SMAD3: variants seen among roughly 807,000 people sequenced by gnomAD.
SMAD3 encodes the protein MAD homolog 3.
In SMAD3, 12 loss-of-function variants were observed where a neutral mutation model predicts 51.8. The observed-to-expected ratio is 0.23, with a 90% CI of 0.15 to 0.38. The LOEUF (loss-of-function observed/expected upper bound fraction) is 0.38. Ranked by LOEUF, SMAD3 falls within the 10% of genes least tolerant of loss-of-function variation. The pLI is 1.00. For missense variants in SMAD3, 294 were observed against 565.6 expected, an observed-to-expected ratio of 0.52 and a Z score of 4.87; for synonymous variants, 238 against 227.7, an observed-to-expected ratio of 1.05 and a Z score of -0.41.
intron 1 of SMAD3, among the ~76,000 whole-genome samples, chr15:67,088,979 C>A (rs539039499): frequency 6.6e-6 from 1 of 152,190 alleles, no homozygotes; most frequent in Non-Finnish European, 1.5e-5. Flanking sequence ...TGACTAGAGA[C>A]CTTTGTCAGG....
intron 1 of SMAD3, among the ~76,000 whole-genome samples, chr15:67,111,424 G>T (rs1961011896): frequency 6.6e-6 from 1 of 152,136 alleles, no homozygotes; most frequent in South Asian, 2.1e-4. Context: ...TCACTTCTTG[G>T]CTATTGTAAA....
rs1025122117 is a variant in SMAD3 at position 67,191,311 on chromosome 15, T to C, written c.*775T>C. 1.3e-5 allele frequency: 3 copies of C among 233,334 alleles called. No individual in the cohort carries two copies. The highest frequency in any genetic ancestry group is 1.7e-5 in the Non-Finnish European group (2 of 118,074). The allele number at this position is 233,334 out of a possible 1,614,324, so 14.5% of individuals were successfully genotyped here. Reference sequence around the variant, plus strand: ...CATATGCAATGTATAGTGTCTATTATCACATTAATCTCAAAGAGATTCGAA... The same window carrying C: ...CATATGCAATGTATAGTGTCTATTACCACATTAATCTCAAAGAGATTCGAA... On this transcript the variant is annotated 3_prime_UTR_variant, in exon 9 of 9. Transcript: ENST00000327367.
intron 1 of SMAD3, among the ~76,000 whole-genome samples, chr15:67,159,149 C>T (rs927003061): frequency 6.6e-6 from 1 of 151,998 alleles, no homozygotes; most frequent in African/African-American, 2.4e-5. Flanking sequence ...CAGCTCACTG[C>T]AGCCTCAACC....
At chr15:67,175,386 GT>G (rs1962863207) in intron 5 of SMAD3, among the ~76,000 whole-genome samples, 1 of 152,178 alleles carries the variant, frequency 6.6e-6, no homozygotes, top group South Asian at 2.1e-4. Flanking sequence ...GCCGGATGCA[GT>G]GCTTCAGACT....
chr15:67,106,495 C>T (rs1595902332), intron 1 of SMAD3, among the ~76,000 whole-genome samples: 1 of 152,112 alleles, frequency 6.6e-6, no homozygotes, highest in South Asian at 2.1e-4. Context: ...CCCCAATACA[C>T]TCTCTCACAG....
chr15:67,133,659 A>T (rs1297899764), intron 1 of SMAD3, among the ~76,000 whole-genome samples: 1 of 152,230 alleles, frequency 6.6e-6, no homozygotes, highest in African/African-American at 2.4e-5. Context: ...GAACTGTAGC[A>T]GAAGCAGATG....
At chr15:67,120,640 T>C (rs951228025) in intron 1 of SMAD3, among the ~76,000 whole-genome samples, 3 of 151,494 alleles carry the variant, frequency 2.0e-5, no homozygotes, top group Admixed American at 2.0e-4. Context: ...CCGTGGAGAG[T>C]GTGGGAATCT....
chr15:67,164,762 C>T, intron 1 of SMAD3, 133 bp from the exon 2 acceptor site: 1 of 972,652 alleles, frequency 1.0e-6, no homozygotes, highest in Admixed American at 1.7e-5. Flanking sequence ...GCTCTGATCT[C>T]CTGGACCTCT....
intron 1 of SMAD3, among the ~76,000 whole-genome samples, chr15:67,137,812 G>T (rs1961703973): frequency 6.6e-6 from 1 of 152,188 alleles, no homozygotes; most frequent in Non-Finnish European, 1.5e-5. Context: ...AGAATGGCAG[G>T]TCAAAATGTC....
chr15:67,165,128 G>A, intron 2 of SMAD3, 40 bp downstream of exon 2: 1 of 1,612,230 alleles, frequency 6.2e-7, no homozygotes, highest in Non-Finnish European at 8.5e-7. Flanking sequence ...GCAGGTGCCA[G>A]GGGTCATCAC....
At chr15:67,187,095 G>A (rs756023647) in intron 7 of SMAD3, 22 of 626,416 alleles carry the variant, frequency 3.5e-5, no homozygotes, top group South Asian at 2.9e-4. Context: ...TCTGGGAGTC[G>A]GAGCTTGTGG....
At chr15:67,088,965 G>A (rs1178068817) in intron 1 of SMAD3, among the ~76,000 whole-genome samples, 1 of 152,108 alleles carries the variant, frequency 6.6e-6, no homozygotes, top group South Asian at 2.1e-4. Flanking sequence ...GGGGTGGATA[G>A]GGCTGACTAG....
In SMAD3 at chr15:67,193,781, AGTTT is replaced by A. The variant is rs751100931; in HGVS notation, c.*3250_*3253del. On this transcript the variant is annotated 3_prime_UTR_variant, in exon 9 of 9. Transcript: ENST00000327367. The stretch of plus-strand genomic sequence containing the variant: ...GAGCTATAGCACATATCATGTGCTT[AGTTT>A]GTTTATTTTTCTCCATCTCCCCTTG... 32 of 232,774 alleles carry A rather than the reference AGTTT, an allele frequency of 1.4e-4. No homozygotes were observed. Among genetic ancestry groups the A allele is most frequent in the Non-Finnish European group, 2.2e-4 (26 of 117,666 alleles). The allele number at this position is 232,774 out of a possible 1,614,324, so 14.4% of individuals were successfully genotyped here.
chr15:67,181,365 C>G lies in SMAD3; in HGVS notation c.783C>G (p.Thr261=). 1 of 1,614,102 alleles carries G rather than the reference C, an allele frequency of 6.2e-7. No homozygotes were observed. Among genetic ancestry groups the G allele is most frequent in the East Asian group, 2.2e-5 (1 of 44,876 alleles). ...CATCCATGACTGTGGATGGCTTCACCGACCCCTCCAATTCGGAGCGCTTCT... is the reference window on the plus strand; with the variant it reads ...CATCCATGACTGTGGATGGCTTCACGGACCCCTCCAATTCGGAGCGCTTCT... The part of the protein sequence containing the change: ...SQPSMTVDGF[T]DPSNSERFCL... The change falls in exon 6 of 9, where the codon ACC becomes ACG. Residue 261 remains threonine, a synonymous_variant. Transcript: ENST00000327367.
At chr15:67,084,169 G>C (rs190740325) in intron 1 of SMAD3, among the ~76,000 whole-genome samples, 6 of 148,788 alleles carry the variant, frequency 4.0e-5, no homozygotes, top group Non-Finnish European at 8.9e-5. Flanking sequence ...TCTGCCTCCG[G>C]GGTTCATGCT....
chr15:67,098,359 C>T (rs1351561397), intron 1 of SMAD3, among the ~76,000 whole-genome samples: 4 of 136,932 alleles, frequency 2.9e-5, no homozygotes, highest in Non-Finnish European at 4.8e-5. Flanking sequence ...AGAGAGCGAG[C>T]GAGCAAGCAA....
At chr15:67,116,265 C>T (rs1961133360) in intron 1 of SMAD3, among the ~76,000 whole-genome samples, 1 of 152,186 alleles carries the variant, frequency 6.6e-6, no homozygotes, top group Non-Finnish European at 1.5e-5. Context: ...GCCCTCCAAG[C>T]ACATCCTGGC....
At chr15:67,066,813 TC>T (rs1959933081) in intron 1 of SMAD3, among the ~76,000 whole-genome samples, 1 of 152,176 alleles carries the variant, frequency 6.6e-6, no homozygotes, top group African/African-American at 2.4e-5. Context: ...CAGTCGGGTC[TC>T]CCCACTTTCC....
chr15:67,104,970 G>T (rs1437404365), intron 1 of SMAD3, among the ~76,000 whole-genome samples: 4 of 152,238 alleles, frequency 2.6e-5, no homozygotes, highest in South Asian at 2.1e-4. Context: ...GTTTGATCTT[G>T]CAGGCTTCCC....
Sources: gnomAD v4.1 joint callset for allele counts (sites outside exome capture counted in the v4.1 genomes callset) on GRCh38, gnomAD v4.1.1 for gene constraint, MANE v1.5 for transcripts, NCBI Gene and HGNC (gene_info 2026-07-23, HGNC 2026-07-21) for gene names.